Variants in LARGE1 observed in about 807,000 individuals in gnomAD.
The protein encoded by LARGE1 is LARGE xylosyl- and glucuronyltransferase 1.
Under a neutral mutation model 87.6 loss-of-function variants are expected in LARGE1, and 43 were observed. The observed-to-expected ratio is 0.49, with a 90% CI of 0.38 to 0.63. The LOEUF is 0.63. Among genes scored for constraint, LARGE1 ranks in the 30% least tolerant of loss-of-function variants. The pLI is 0.00. For synonymous variants in LARGE1, 434 were observed against 394.6 expected (o/e 1.10, Z -1.18); for missense variants, 802 against 1,000.2 (o/e 0.80, Z 2.67).
At chr22:33,737,527 C>T (rs748492266) in intron 2 of LARGE1, 6 of 152,118 alleles carry the variant, frequency 3.9e-5, no homozygotes, top group East Asian at 1.9e-4. Flanking sequence ...TCCATAACAG[C>T]GTTATGAGGT....
chr22:33,707,139 T>C (rs1279210650), intron 2 of LARGE1, among the ~76,000 whole-genome samples: 1 of 152,170 alleles, frequency 6.6e-6, no homozygotes, highest in Non-Finnish European at 1.5e-5. Context: ...AGCTGAATAA[T>C]ATCATGGCTA....
At chr22:33,742,507 G>C (rs1805732895) in intron 2 of LARGE1, among the ~76,000 whole-genome samples, 1 of 152,234 alleles carries the variant, frequency 6.6e-6, no homozygotes, top group Non-Finnish European at 1.5e-5. Context: ...CAAGGACTAG[G>C]AGCCCACTTG....
At chr22:33,539,629 A>C (rs1023558864) in intron 6 of LARGE1, among the ~76,000 whole-genome samples, 3 of 148,912 alleles carry the variant, frequency 2.0e-5, no homozygotes, top group African/African-American at 7.5e-5. Flanking sequence ...TCGCTCCACT[A>C]CCTATACTGG....
chr22:33,134,500 G>A, the LARGE1 span, among the ~76,000 whole-genome samples: 3 of 152,034 alleles, frequency 2.0e-5, no homozygotes, highest in African/African-American at 7.2e-5. Flanking sequence ...CTTGTGATCC[G>A]CCCGCCTCGG....
chr22:33,509,449 G>A (rs561190030), intron 6 of LARGE1, among the ~76,000 whole-genome samples: 1 of 152,046 alleles, frequency 6.6e-6, no homozygotes, highest in Admixed American at 6.6e-5. Context: ...ATGGAAAGAG[G>A]GATTTTTATT....
chr22:33,766,106 C>T (rs1033983147), intron 1 of LARGE1, among the ~76,000 whole-genome samples: 9 of 152,144 alleles, frequency 5.9e-5, no homozygotes, highest in African/African-American at 1.7e-4. Flanking sequence ...ACAAGAAGAA[C>T]GGAAGGAAGA....
At chr22:33,148,941 T>C in the LARGE1 span, among the ~76,000 whole-genome samples, 1 of 151,882 alleles carries the variant, frequency 6.6e-6, no homozygotes, top group African/African-American at 2.4e-5. Flanking sequence ...ATTTGGAGAG[T>C]GATTTAAAAA....
chr22:33,787,261 G>A (rs899619138), intron 1 of LARGE1, among the ~76,000 whole-genome samples: 1 of 152,080 alleles, frequency 6.6e-6, no homozygotes, highest in African/African-American at 2.4e-5. Context: ...AAGTTTTACA[G>A]AATATGGGGC....
At position 33,504,709 on chromosome 22, in the gene LARGE1, C is replaced by T. The variant is rs527625452; in HGVS notation, c.787+60139G>A. ...TTAGTTCCCGCATTGGTTCAAGATG[C>T]GTAACACCAACTCACGGGGTTGCTG... On this transcript the variant is annotated intron_variant, in intron 6 of 14. Coordinates refer to ENST00000397394, the MANE Select transcript of LARGE1 (RefSeq NM_133642.5). Among the ~76,000 whole-genome samples the T allele has an allele frequency of 6.9e-4, 105 of 152,164 alleles. 1 individual carries two copies. The highest frequency in any genetic ancestry group is 2.3e-3 in the African/African-American group (96 of 41,528).
In LARGE1 at chr22:33,600,784, T is replaced by C. The variant is rs1048047395; in HGVS notation, c.615+3651A>G. 4.6e-5 allele frequency among the ~76,000 whole-genome samples: 7 copies of C among 152,236 alleles called. No homozygotes were observed. In the East Asian group the frequency reaches 7.7e-4, roughly 17 times the overall value. On this transcript the variant is annotated intron_variant, in intron 5 of 14. Transcript: ENST00000397394. ...GGCCTCAGCCGGGGGCAGTGGCTCA[T>C]GCCCGTAATCCCAGCACTTTGGGAG...
chr22:33,382,125 CCT>C, intron 8 of LARGE1, 81 bp from the exon 9 acceptor site: 1 of 1,579,074 alleles, frequency 6.3e-7, no homozygotes, highest in Admixed American at 1.7e-5. Context: ...CACTGCATCC[CCT>C]GTGATAGGGC....
chr22:33,780,806 C>T (rs539479378), intron 1 of LARGE1, among the ~76,000 whole-genome samples: 1 of 152,156 alleles, frequency 6.6e-6, no homozygotes, highest in Non-Finnish European at 1.5e-5. Flanking sequence ...GTTCTTGCAG[C>T]CTTCAAAGTT....
intron 11 of LARGE1, among the ~76,000 whole-genome samples, chr22:33,167,553 T>A (rs947332823): frequency 3.3e-5 from 5 of 152,194 alleles, no homozygotes; most frequent in Non-Finnish European, 7.3e-5. Flanking sequence ...TGTTTCAATT[T>A]ATTCCTAACA....
At chr22:33,764,852 C>T (rs1459772535) in intron 1 of LARGE1, among the ~76,000 whole-genome samples, 5 of 152,126 alleles carry the variant, frequency 3.3e-5, no homozygotes, top group African/African-American at 7.2e-5. Flanking sequence ...GTTTAGAGAA[C>T]GACAAAAAAG....
chr22:33,366,582 T>G (rs1569098535), intron 9 of LARGE1, among the ~76,000 whole-genome samples: 1 of 152,252 alleles, frequency 6.6e-6, no homozygotes, highest in Non-Finnish European at 1.5e-5. Context: ...AGATTTGGTT[T>G]GCTAAATATT....
chr22:33,468,538 A>G (rs550115694), intron 6 of LARGE1, among the ~76,000 whole-genome samples: 1 of 152,292 alleles, frequency 6.6e-6, no homozygotes, highest in African/African-American at 2.4e-5. Flanking sequence ...TTACTTATCA[A>G]CTTCTGATCA....
intron 2 of LARGE1, among the ~76,000 whole-genome samples, chr22:33,713,972 G>GTAACATAACA (rs796663388): frequency 1.3e-3 from 160 of 119,754 alleles, no homozygotes; most frequent in East Asian, 6.3e-3. Context: ...AGTAAATAAC[G>GTAACATAACA]TAACATAACG....
intron 2 of LARGE1, among the ~76,000 whole-genome samples, chr22:33,674,935 T>A (rs2081521593): frequency 6.6e-6 from 1 of 151,944 alleles, no homozygotes; most frequent in South Asian, 2.1e-4. Flanking sequence ...TAAATTTCCA[T>A]TCTATCTGCA....
intron 2 of LARGE1, among the ~76,000 whole-genome samples, chr22:33,722,014 G>A (rs1601418076): frequency 6.6e-6 from 1 of 152,182 alleles, no homozygotes; most frequent in East Asian, 1.9e-4. Flanking sequence ...CAGTTTGGGA[G>A]GTCAAGGCGG....
Sources: gnomAD v4.1 joint callset for allele counts (sites outside exome capture counted in the v4.1 genomes callset) on GRCh38, gnomAD v4.1.1 for gene constraint, MANE v1.5 for transcripts, NCBI Gene and HGNC (gene_info 2026-07-23, HGNC 2026-07-21) for gene names.